GRIK2: variants seen among roughly 807,000 people sequenced by gnomAD.
The protein encoded by GRIK2 is glutamate receptor ionotropic, kainate 2.
Under a neutral mutation model 100.3 loss-of-function variants are expected in GRIK2, and 32 were observed. The ratio of observed to expected loss-of-function variants is 0.32; its 90% CI spans 0.24 to 0.43. The LOEUF is 0.43. Ranked by LOEUF, GRIK2 falls within the 20% of genes least tolerant of loss-of-function variation. GRIK2 has a pLI of 1.00. For synonymous variants in GRIK2, 417 were observed against 389.4 expected, an observed-to-expected ratio of 1.07 and a Z score of -0.83; for missense variants, 843 against 1,114.9, an observed-to-expected ratio of 0.76 and a Z score of 3.47.
chr6:102,067,375 C>T (rs774058241), intron 16 of GRIK2, among the ~76,000 whole-genome samples: 23 of 151,616 alleles, frequency 1.5e-4, no homozygotes, highest in African/African-American at 3.1e-4. Flanking sequence ...AAATATGTAT[C>T]GGAAAATGAC....
chr6:101,949,678 A>C (rs1333189249), intron 14 of GRIK2, among the ~76,000 whole-genome samples: 1 of 152,198 alleles, frequency 6.6e-6, no homozygotes, highest in Admixed American at 6.5e-5. Flanking sequence ...TGCAAAGGAC[A>C]TAAACTCATC....
At position 101,709,730 on chromosome 6, in the gene GRIK2, C is replaced by T. The variant is rs188876942; in HGVS notation, c.951+23377C>T. 3.8e-4 allele frequency among the ~76,000 whole-genome samples: 58 copies of T among 151,780 alleles called. No homozygotes were observed. The East Asian group carries it at 7.2e-3, about 19-fold the overall frequency. ...CCCAGCCAAATAACTGGGCTTTGCG[C>T]GGGGTAGGTATTTAAGTTTATGGCT... On this transcript the variant is annotated intron_variant, in intron 7 of 16. Coordinates refer to ENST00000369134, the MANE Select transcript of GRIK2 (RefSeq NM_021956.5).
chr6:101,772,903 A>G (rs933658960), intron 7 of GRIK2, among the ~76,000 whole-genome samples: 1 of 152,118 alleles, frequency 6.6e-6, no homozygotes, highest in African/African-American at 2.4e-5. Flanking sequence ...TAAGTACTCC[A>G]AAGAACTAAA....
At chr6:101,938,801 C>G (rs1025940232) in intron 14 of GRIK2, among the ~76,000 whole-genome samples, 2 of 151,512 alleles carry the variant, frequency 1.3e-5, no homozygotes, top group African/African-American at 4.8e-5. Context: ...TTTTCTATAC[C>G]CAGTTTCCAT....
intron 2 of GRIK2, among the ~76,000 whole-genome samples, chr6:101,462,259 A>G (rs1326126588): frequency 6.6e-6 from 1 of 152,180 alleles, no homozygotes; most frequent in African/African-American, 2.4e-5. Flanking sequence ...TGATATAGCA[A>G]TGTGCTCCAT....
chr6:101,396,317 G>A (rs1442098812), intron 1 of GRIK2, among the ~76,000 whole-genome samples: 3 of 151,346 alleles, frequency 2.0e-5, no homozygotes, highest in Non-Finnish European at 2.9e-5. Context: ...GTAACAGATG[G>A]AAATCTGGAG....
At position 101,572,735 on chromosome 6, in the gene GRIK2, G is replaced by T. The variant is rs75300129; in HGVS notation, c.116-49214G>T. ...TTTCTACCATAGAAATTATTTTCTT[G>T]TACTTGGCCTCAGTTTCTTTTTTTT... On this transcript the variant is annotated intron_variant, in intron 2 of 16. Coordinates refer to ENST00000369134, the MANE Select transcript of GRIK2 (RefSeq NM_021956.5). 1.1e-3 allele frequency among the ~76,000 whole-genome samples: 141 copies of T among 123,646 alleles called. 3 individuals are homozygous for T. The East Asian group carries it at 0.032, about 28-fold the overall frequency. 81.1% of individuals were successfully genotyped at this position (123,646 alleles called of 152,430 possible).
rs958958442 is a variant in GRIK2 at position 102,069,546 on chromosome 6, T to C, written c.*1035T>C. 2 of 151,836 alleles carry C rather than the reference T, an allele frequency of 1.3e-5. No homozygotes were observed. The highest frequency in any genetic ancestry group is 4.8e-5 in the African/African-American group (2 of 41,376). The allele number at this position is 151,836 out of a possible 1,614,324, so 9.4% of individuals were successfully genotyped here. The stretch of plus-strand genomic sequence containing the variant: ...GATACGAGAAAGGGGACTGGTCATC[T>C]ATAGAAAAATCTGTGAGAGAACTTG... On this transcript the variant is annotated 3_prime_UTR_variant, in exon 17 of 17. Coordinates refer to ENST00000369134, the MANE Select transcript of GRIK2 (RefSeq NM_021956.5).
At chr6:102,042,804 C>A (rs1375749696) in intron 15 of GRIK2, among the ~76,000 whole-genome samples, 3 of 151,600 alleles carry the variant, frequency 2.0e-5, no homozygotes, top group Non-Finnish European at 3.0e-5. Flanking sequence ...AAAATTATTT[C>A]TATTTTCATA....
chr6:101,524,970 C>T (rs1215226060), intron 2 of GRIK2, among the ~76,000 whole-genome samples: 2 of 151,846 alleles, frequency 1.3e-5, no homozygotes, highest in Non-Finnish European at 2.9e-5. Flanking sequence ...TGACTTCAGG[C>T]GATCTACCCA....
chr6:101,992,953 A>C (rs556268522), intron 14 of GRIK2, among the ~76,000 whole-genome samples: 1 of 151,708 alleles, frequency 6.6e-6, no homozygotes, highest in African/African-American at 2.4e-5. Context: ...CAGTATGTGC[A>C]TATGTGTGCA....
intron 9 of GRIK2, among the ~76,000 whole-genome samples, chr6:101,804,621 A>G (rs1780872939): frequency 6.6e-6 from 1 of 152,002 alleles, no homozygotes; most frequent in South Asian, 2.1e-4. Flanking sequence ...CAGGGATAAA[A>G]GCATAACTCA....
intron 2 of GRIK2, among the ~76,000 whole-genome samples, chr6:101,465,453 T>C (rs1771591217): frequency 6.6e-6 from 1 of 152,210 alleles, no homozygotes; most frequent in East Asian, 1.9e-4. Context: ...TGTTTTCATT[T>C]TTTTAAATGG....
At chr6:101,950,223 C>T (rs546357226) in intron 14 of GRIK2, among the ~76,000 whole-genome samples, 24 of 150,532 alleles carry the variant, frequency 1.6e-4, no homozygotes, top group Admixed American at 1.2e-3. Context: ...GGTAATAAAT[C>T]ATTTTCTAAA....
At chr6:101,395,482 C>T (rs1774965580) in intron 1 of GRIK2, among the ~76,000 whole-genome samples, 2 of 152,094 alleles carry the variant, frequency 1.3e-5, no homozygotes, top group South Asian at 4.1e-4. Context: ...AAGGTATAGG[C>T]ATTGTCTTTT....
intron 12 of GRIK2, among the ~76,000 whole-genome samples, chr6:101,912,705 CT>C (rs1582520720): frequency 6.6e-6 from 1 of 151,498 alleles, no homozygotes; most frequent in African/African-American, 2.4e-5. Flanking sequence ...TAAAAAATAC[CT>C]TGTTCCCACT....
intron 2 of GRIK2, among the ~76,000 whole-genome samples, chr6:101,466,492 G>A (rs1327051145): frequency 6.6e-6 from 1 of 151,450 alleles, no homozygotes; most frequent in African/African-American, 2.4e-5. Context: ...GTAGTCAGTT[G>A]CTGTGTAAAT....
chr6:101,777,626 C>A (rs1472147748), intron 7 of GRIK2, among the ~76,000 whole-genome samples: 4 of 151,966 alleles, frequency 2.6e-5, no homozygotes, highest in African/African-American at 9.7e-5. Context: ...GTAAAAAGGT[C>A]AAGTCAGTGA....
At chr6:101,654,677 C>T (rs552525360) in intron 4 of GRIK2, among the ~76,000 whole-genome samples, 178 of 152,152 alleles carry the variant, frequency 1.2e-3, no homozygotes, top group Non-Finnish European at 1.6e-3. Flanking sequence ...AACTAGGCTA[C>T]TTCCAACTTA....
Sources: allele counts gnomAD v4.1 joint callset (sites outside exome capture counted in the v4.1 genomes callset), GRCh38; gene constraint gnomAD v4.1.1; transcripts MANE v1.5; gene names NCBI Gene and HGNC (gene_info 2026-07-23, HGNC 2026-07-21).